Variants in GHR observed in about 807,000 individuals in gnomAD.
The protein encoded by GHR is GH receptor.
In GHR, 35 loss-of-function variants were observed where a neutral mutation model predicts 67.1. The observed-to-expected ratio is 0.52, with a 90% CI of 0.40 to 0.69. The LOEUF (loss-of-function observed/expected upper bound fraction) is 0.69. Among genes scored for constraint, GHR ranks in the 30% least tolerant of loss-of-function variants. GHR has a pLI of 0.00. For missense variants in GHR, 792 were observed against 764.6 expected (o/e 1.04, Z -0.42); for synonymous variants, 272 against 269.1 (o/e 1.01, Z -0.10).
At chr5:42,587,061 G>T (rs1048151585) in intron 2 of GHR, among the ~76,000 whole-genome samples, 1 of 148,834 alleles carries the variant, frequency 6.7e-6, no homozygotes, top group South Asian at 2.1e-4. Context: ...ATTAACTACA[G>T]CTGGGCTTAT....
At chr5:42,631,519 A>G (rs1289627866) in intron 3 of GHR, among the ~76,000 whole-genome samples, 1 of 152,184 alleles carries the variant, frequency 6.6e-6, no homozygotes, top group Non-Finnish European at 1.5e-5. Context: ...GTCACTGTAT[A>G]CATTGTTACC....
intron 2 of GHR, among the ~76,000 whole-genome samples, chr5:42,628,588 G>A (rs72754956): frequency 0.052 from 6,861 of 131,706 alleles, 1,531 homozygotes; most frequent in Non-Finnish European, 0.078. Flanking sequence ...TCTTTAATCT[G>A]CAGTTGGTTA....
At chr5:42,668,737 A>T (rs988275237) in intron 3 of GHR, among the ~76,000 whole-genome samples, 5 of 152,126 alleles carry the variant, frequency 3.3e-5, no homozygotes, top group Non-Finnish European at 7.4e-5. Flanking sequence ...TGTATTTGTC[A>T]TCTTGGTCAT....
intron 1 of GHR, among the ~76,000 whole-genome samples, chr5:42,458,293 T>G (rs964117421): frequency 1.3e-5 from 2 of 151,966 alleles, no homozygotes; most frequent in African/African-American, 4.8e-5. Flanking sequence ...CATAGACAAA[T>G]GGAACAGATT....
intron 1 of GHR, among the ~76,000 whole-genome samples, chr5:42,500,502 A>G (rs1746496438): frequency 6.6e-6 from 1 of 152,264 alleles, no homozygotes; most frequent in Non-Finnish European, 1.5e-5. Flanking sequence ...ACTGTGGGGC[A>G]AACACTTAGC....
rs143699474 is a variant in GHR, at chr5:42,661,957, C to T, written c.137-26933C>T. Among the ~76,000 whole-genome samples the T allele has an allele frequency of 8.2e-3, 1,248 of 152,162 alleles. 10 individuals are homozygous for T. Among genetic ancestry groups the T allele is most frequent in the South Asian group, 0.014 (69 of 4,804 alleles). On this transcript the variant is annotated intron_variant, in intron 3 of 9. Coordinates refer to ENST00000230882, the MANE Select transcript of GHR (RefSeq NM_000163.5). Reference sequence around the variant, plus strand: ...AAAAAAAGTCAGGGGTTGCAATCCTCGTCTCTGATAAAACAGACTTTAAAC... The same window carrying T: ...AAAAAAAGTCAGGGGTTGCAATCCTTGTCTCTGATAAAACAGACTTTAAAC...
chr5:42,520,687 G>T (rs1020500353), intron 1 of GHR, among the ~76,000 whole-genome samples: 1 of 152,138 alleles, frequency 6.6e-6, no homozygotes, highest in Admixed American at 6.6e-5. Context: ...TCAAGAGCAT[G>T]TTACAGCAGC....
At chr5:42,429,839 C>T (rs989703705) in intron 1 of GHR, among the ~76,000 whole-genome samples, 1 of 152,028 alleles carries the variant, frequency 6.6e-6, no homozygotes, top group South Asian at 2.1e-4. Flanking sequence ...TTTCATAGGC[C>T]TCATTGTGTC....
chr5:42,512,235 A>G (rs1747048237), intron 1 of GHR, among the ~76,000 whole-genome samples: 2 of 152,146 alleles, frequency 1.3e-5, no homozygotes, highest in African/African-American at 4.8e-5. Context: ...ACAATGTGAG[A>G]AAATGGACTC....
At chr5:42,454,158 G>A (rs1484432587) in intron 1 of GHR, among the ~76,000 whole-genome samples, 1 of 152,160 alleles carries the variant, frequency 6.6e-6, no homozygotes, top group African/African-American at 2.4e-5. Context: ...CAGTCTTCAG[G>A]TCTCCTAGCC....
At chr5:42,544,610 GA>G (rs1242593902) in intron 1 of GHR, among the ~76,000 whole-genome samples, 5 of 152,054 alleles carry the variant, frequency 3.3e-5, no homozygotes, top group Non-Finnish European at 5.9e-5. Flanking sequence ...TGATAATATT[GA>G]AAAACTAGAA....
At chr5:42,655,893 C>G (rs1321925377) in intron 3 of GHR, among the ~76,000 whole-genome samples, 4 of 152,032 alleles carry the variant, frequency 2.6e-5, no homozygotes, top group Admixed American at 2.6e-4. Flanking sequence ...TTGATGAAAG[C>G]TTATTCTAGG....
chr5:42,602,632 T>A (rs1347363049), intron 2 of GHR, among the ~76,000 whole-genome samples: 1 of 152,200 alleles, frequency 6.6e-6, no homozygotes, highest in African/African-American at 2.4e-5. Flanking sequence ...TTTATGCTGA[T>A]AGGTTTTGAT....
chr5:42,453,372 C>A (rs1744130026), intron 1 of GHR, among the ~76,000 whole-genome samples: 1 of 152,090 alleles, frequency 6.6e-6, no homozygotes, highest in Admixed American at 6.5e-5. Flanking sequence ...GGGGAGGTAT[C>A]CCCCGGCAGG....
At chr5:42,651,795 T>G (rs1225050251) in intron 3 of GHR, among the ~76,000 whole-genome samples, 1 of 152,204 alleles carries the variant, frequency 6.6e-6, no homozygotes, top group African/African-American at 2.4e-5. Context: ...AATGTTCTAC[T>G]AAATCCAATA....
intron 3 of GHR, among the ~76,000 whole-genome samples, chr5:42,638,439 T>C (rs1754309075): frequency 6.6e-6 from 1 of 152,198 alleles, no homozygotes; most frequent in Non-Finnish European, 1.5e-5. Flanking sequence ...ATTTCATCAT[T>C]GTGTAAACAT....
At chr5:42,612,195 T>C (rs1752924634) in intron 2 of GHR, among the ~76,000 whole-genome samples, 1 of 152,164 alleles carries the variant, frequency 6.6e-6, no homozygotes, top group Non-Finnish European at 1.5e-5. Context: ...GTCTGAATTA[T>C]AGAAGGAGAA....
intron 3 of GHR, among the ~76,000 whole-genome samples, chr5:42,667,185 G>A (rs1756030196): frequency 6.6e-6 from 1 of 152,134 alleles, no homozygotes. Context: ...TACACAAGTG[G>A]AATTTAAGGT....
chr5:42,527,953 T>A (rs1412986166), intron 1 of GHR, among the ~76,000 whole-genome samples: 1 of 152,198 alleles, frequency 6.6e-6, no homozygotes, highest in East Asian at 1.9e-4. Flanking sequence ...GTTTACAGTA[T>A]GGCTTGCTGA....
Sources: allele counts gnomAD v4.1 joint callset (sites outside exome capture counted in the v4.1 genomes callset), GRCh38; gene constraint gnomAD v4.1.1; transcripts MANE v1.5; gene names NCBI Gene and HGNC (gene_info 2026-07-23, HGNC 2026-07-21).